The following VPS41 variants were observed in gnomAD, a reference collection of about 807,000 sequenced individuals.
VPS41 encodes VPS41 subunit of HOPS complex.
Under a neutral mutation model 130.9 loss-of-function variants are expected in VPS41, and 85 were observed. The ratio of observed to expected loss-of-function variants is 0.65; its 90% confidence interval spans 0.55 to 0.78. VPS41 has a LOEUF of 0.78. Ranked by LOEUF, VPS41 falls within the 30% of genes least tolerant of loss-of-function variation. The probability of loss-of-function intolerance (pLI) is 0.00; values close to 1 mark genes in which losing one functional copy is unlikely to be tolerated. For synonymous variants in VPS41, 335 were observed against 332.9 expected (o/e 1.01, Z -0.07); for missense variants, 874 against 1,018.7 (o/e 0.86, Z 1.93).
At position 38,803,040 on chromosome 7, in the gene VPS41, A is replaced by C. The variant is rs3779125; in HGVS notation, c.451-6176T>G. Among the ~76,000 whole-genome samples, 1,134 of 152,300 alleles carry C rather than the reference A, an allele frequency of 7.4e-3. 31 individuals are homozygous for C. In the East Asian group the frequency reaches 0.1, roughly 14 times the overall value. On this transcript the variant is annotated intron_variant, in intron 7 of 28. Transcript: ENST00000310301. ...CCACATTCTGGCAGTCAGCACTCTC[A>C]ATACTTATATTTCAATATGAGCCCT... is the stretch of plus-strand genomic sequence containing the variant.
intron 7 of VPS41, among the ~76,000 whole-genome samples, chr7:38,803,321 T>G (rs1386481769): frequency 6.6e-6 from 1 of 152,226 alleles, no homozygotes; most frequent in Non-Finnish European, 1.5e-5. Flanking sequence ...ATCTTTCAAG[T>G]TGATAAATCA....
chr7:38,751,641 T>G (rs1204837531), intron 22 of VPS41, among the ~76,000 whole-genome samples: 2 of 152,196 alleles, frequency 1.3e-5, no homozygotes, highest in African/African-American at 4.8e-5. Context: ...CTTTGAAGAA[T>G]TTCCAGGAGA....
At chr7:38,822,225 T>C (rs1244397182) in intron 5 of VPS41, among the ~76,000 whole-genome samples, 3 of 152,116 alleles carry the variant, frequency 2.0e-5, no homozygotes, top group African/African-American at 7.2e-5. Context: ...CTATAAAAAA[T>C]ACAAATCATA....
At chr7:38,842,719 C>G (rs1047883189) in intron 4 of VPS41, among the ~76,000 whole-genome samples, 3 of 152,168 alleles carry the variant, frequency 2.0e-5, no homozygotes, top group African/African-American at 7.2e-5. Flanking sequence ...TGTCGCCCAC[C>G]ACTTGGCAAA....
At chr7:38,729,039 G>C (rs1377578696) in intron 25 of VPS41, among the ~76,000 whole-genome samples, 1 of 152,138 alleles carries the variant, frequency 6.6e-6, no homozygotes, top group African/African-American at 2.4e-5. Flanking sequence ...GGCTCCTGTA[G>C]CATTTGTATA....
chr7:38,791,219 A>C (rs926054241), intron 9 of VPS41, among the ~76,000 whole-genome samples: 10 of 152,300 alleles, frequency 6.6e-5, no homozygotes, highest in Non-Finnish European at 1.2e-4. Context: ...TTTTGAGCTT[A>C]TAAGTTATCC....
At chr7:38,751,867 G>A (rs1418089302) in intron 22 of VPS41, among the ~76,000 whole-genome samples, 3 of 152,188 alleles carry the variant, frequency 2.0e-5, no homozygotes, top group Non-Finnish European at 2.9e-5. Flanking sequence ...CTGATCCTGG[G>A]AGATGGACTG....
chr7:38,827,111 C>A (rs1257400364), intron 5 of VPS41, among the ~76,000 whole-genome samples: 6 of 152,146 alleles, frequency 3.9e-5, no homozygotes, highest in Non-Finnish European at 7.3e-5. Flanking sequence ...AGCCACTGCA[C>A]TGGCCAAAAA....
chr7:38,867,444 T>C (rs1406600882), intron 3 of VPS41, among the ~76,000 whole-genome samples: 2 of 151,002 alleles, frequency 1.3e-5, no homozygotes, highest in Admixed American at 6.6e-5. Context: ...ACTTAGGAGG[T>C]TGAGGCAGGA....
chr7:38,735,227 T>C (rs1397904753), intron 25 of VPS41, among the ~76,000 whole-genome samples: 3 of 152,140 alleles, frequency 2.0e-5, no homozygotes, highest in African/African-American at 4.8e-5. Flanking sequence ...TTCATGAACA[T>C]ATAAATTCAA....
chr7:38,748,428 C>T (rs189392928), intron 22 of VPS41, among the ~76,000 whole-genome samples: 2 of 151,992 alleles, frequency 1.3e-5, no homozygotes, highest in East Asian at 3.9e-4. Context: ...TCTACCTATC[C>T]TTGATCTCGT....
intron 22 of VPS41, 140 bp from the exon 23 acceptor site, chr7:38,745,753 C>T (rs1795973968): frequency 1.4e-6 from 1 of 698,878 alleles, no homozygotes; most frequent in Non-Finnish European, 2.5e-6. Flanking sequence ...ATAAAGAACA[C>T]ATCTCCCTAG....
intron 22 of VPS41, among the ~76,000 whole-genome samples, chr7:38,748,576 G>A (rs777911896): frequency 2.7e-5 from 4 of 149,834 alleles, no homozygotes; most frequent in Admixed American, 6.7e-5. Flanking sequence ...CACAAATTCC[G>A]GTATAAATCT....
At chr7:38,728,826 A>T in intron 25 of VPS41, 35 bp from the exon 26 acceptor site, 1 of 1,593,066 alleles carries the variant, frequency 6.3e-7, no homozygotes. Context: ...AGCCATCTTA[A>T]GTAGACTCAA....
At chr7:38,754,642 GA>G in intron 21 of VPS41, 59 bp downstream of exon 21, 2 of 1,389,552 alleles carry the variant, frequency 1.4e-6, no homozygotes, top group Non-Finnish European at 2.0e-6. Flanking sequence ...CACCAATACT[GA>G]AAGGTGATTC....
chr7:38,752,399 C>G (rs989873668), intron 21 of VPS41, 86 bp from the exon 22 acceptor site: 3 of 1,512,048 alleles, frequency 2.0e-6, no homozygotes, highest in African/African-American at 1.4e-5. Flanking sequence ...CTCTAAACAC[C>G]TCCCATGGAC....
chr7:38,736,758 G>A (rs1316560714), intron 25 of VPS41, among the ~76,000 whole-genome samples: 1 of 152,212 alleles, frequency 6.6e-6, no homozygotes, highest in Admixed American at 6.5e-5. Context: ...AAAGGAGGAT[G>A]AGAATCATAA....
intron 6 of VPS41, 123 bp downstream of exon 6, chr7:38,821,080 G>A: frequency 1.4e-6 from 1 of 699,650 alleles, no homozygotes; most frequent in Non-Finnish European, 2.5e-6. Context: ...CAGTACATCT[G>A]AAGTGTTGAA....
chr7:38,776,530 G>T (rs1479493173), intron 11 of VPS41, 149 bp downstream of exon 11: 1 of 512,154 alleles, frequency 2.0e-6, no homozygotes, highest in African/African-American at 1.9e-5. Context: ...AATATGTCAG[G>T]TCTAAAGGGT....
Sources: allele counts gnomAD v4.1 joint callset (sites outside exome capture counted in the v4.1 genomes callset), GRCh38; gene constraint gnomAD v4.1.1; transcripts MANE v1.5; gene names NCBI Gene and HGNC (gene_info 2026-07-23, HGNC 2026-07-21).